Variants in PLD5 observed in about 807,000 individuals in gnomAD.
PLD5 encodes the protein phospholipase D family member 5, also known as inactive phospholipase D5.
In PLD5, 36 loss-of-function variants were observed where a neutral mutation model predicts 61.1. That is an observed-to-expected ratio of 0.59 (90% CI 0.45 to 0.78). The LOEUF (loss-of-function observed/expected upper bound fraction) is 0.78. PLD5 is among the 30% of genes least tolerant of loss of function. The pLI is 0.00. For synonymous variants in PLD5, 243 were observed against 242.8 expected, an observed-to-expected ratio of 1.00 and a Z score of -0.01; for missense variants, 515 against 644.4, an observed-to-expected ratio of 0.80 and a Z score of 2.17.
chr1:242,415,623 C>T (rs1398480107), intron 1 of PLD5, among the ~76,000 whole-genome samples: 1 of 151,700 alleles, frequency 6.6e-6, no homozygotes, highest in African/African-American at 2.4e-5. Context: ...CACCATTCTC[C>T]TGCCTCAGCC....
At chr1:242,520,140 T>C (rs1026017385) in intron 1 of PLD5, among the ~76,000 whole-genome samples, 24 of 152,160 alleles carry the variant, frequency 1.6e-4, no homozygotes, top group Non-Finnish European at 5.9e-5. Flanking sequence ...ATGAGTCATA[T>C]GAATGGATGA....
At chr1:242,253,104 C>T (rs1418684068) in intron 4 of PLD5, among the ~76,000 whole-genome samples, 2 of 145,050 alleles carry the variant, frequency 1.4e-5, no homozygotes, top group Non-Finnish European at 3.0e-5. Context: ...CGTGAGCCAC[C>T]GTGTATGGCC....
rs562026555 is a variant in PLD5 at position 242,466,488 on chromosome 1, AAAG to A, written c.189+57597_189+57599del. Among the ~76,000 whole-genome samples, 54 of 152,352 alleles carry A rather than the reference AAAG, an allele frequency of 3.5e-4. 2 individuals carry two copies. In the South Asian group the frequency reaches 7.7e-3, roughly 22 times the overall value. On this transcript the variant is annotated intron_variant, in intron 1 of 9. Coordinates refer to ENST00000536534, the MANE Select transcript of PLD5 (RefSeq NM_001372062.1). ...CAAAGGAATGCTATTCAGCCTTAAA[AAAG>A]AAGGAAATTCTTGTCATTTGCAACA...
intron 6 of PLD5, among the ~76,000 whole-genome samples, chr1:242,115,669 AT>A (rs1345161344): frequency 6.7e-6 from 1 of 148,954 alleles, no homozygotes; most frequent in Non-Finnish European, 1.5e-5. Flanking sequence ...AAAAAAAAAA[AT>A]CTTGGAGTTT....
At chr1:242,404,094 C>T (rs1360542616) in intron 1 of PLD5, among the ~76,000 whole-genome samples, 1 of 152,116 alleles carries the variant, frequency 6.6e-6, no homozygotes, top group Non-Finnish European at 1.5e-5. Flanking sequence ...GAAACCGGTC[C>T]CTGCCCACAT....
chr1:242,235,226 A>C (rs1047337850), intron 4 of PLD5, among the ~76,000 whole-genome samples: 1 of 152,204 alleles, frequency 6.6e-6, no homozygotes, highest in Non-Finnish European at 1.5e-5. Flanking sequence ...GGCCACATCC[A>C]GAGGCATTCA....
intron 4 of PLD5, among the ~76,000 whole-genome samples, chr1:242,260,661 G>A (rs1470426700): frequency 2.6e-5 from 4 of 152,172 alleles, no homozygotes; most frequent in Non-Finnish European, 4.4e-5. Context: ...ATAAATTTTT[G>A]TAAAGTAACT....
intron 6 of PLD5, 82 bp from the exon 7 acceptor site, chr1:242,114,108 C>G (rs958469675): frequency 2.0e-6 from 3 of 1,478,948 alleles, no homozygotes; most frequent in Non-Finnish European, 2.7e-6. Context: ...TTTCCACGGA[C>G]CTTGGCTTGT....
intron 1 of PLD5, among the ~76,000 whole-genome samples, chr1:242,522,044 T>C (rs147424976): frequency 1.3e-5 from 2 of 152,336 alleles, no homozygotes; most frequent in East Asian, 3.9e-4. Context: ...AAAATGTTCG[T>C]GATGTTTCAA....
At chr1:242,133,920 T>C (rs1446824642) in intron 5 of PLD5, among the ~76,000 whole-genome samples, 1 of 152,242 alleles carries the variant, frequency 6.6e-6, no homozygotes, top group Non-Finnish European at 1.5e-5. Context: ...AATTTCATCA[T>C]ACTTTTTTAA....
At position 242,264,142 on chromosome 1, in the gene PLD5, A is replaced by G. The variant is rs543500669; in HGVS notation, c.607+1195T>C. Among the ~76,000 whole-genome samples, 246 of 152,356 alleles carry G rather than the reference A, an allele frequency of 1.6e-3. 2 individuals carry two copies. The highest frequency in any genetic ancestry group is 1.6e-3 in the African/African-American group (65 of 41,580). Reference sequence around the variant, plus strand: ...AAAAAAAAGTGTTCTCTAACAAATTATCAGATAGTGAGAACCCAATTTTAC... The same window carrying G: ...AAAAAAAAGTGTTCTCTAACAAATTGTCAGATAGTGAGAACCCAATTTTAC... On this transcript the variant is annotated intron_variant, in intron 4 of 9. Coordinates refer to ENST00000536534, the MANE Select transcript of PLD5 (RefSeq NM_001372062.1).
chr1:242,233,829 T>C (rs1275619675), intron 4 of PLD5, among the ~76,000 whole-genome samples: 1 of 152,146 alleles, frequency 6.6e-6, no homozygotes. Flanking sequence ...CTACACTCTC[T>C]GTCTCGGAAT....
chr1:242,303,207 G>A (rs529228829), intron 2 of PLD5, among the ~76,000 whole-genome samples: 1 of 152,176 alleles, frequency 6.6e-6, no homozygotes, highest in Admixed American at 6.5e-5. Context: ...GCAAATACAT[G>A]CTGACTCTCC....
chr1:242,309,252 G>A lies in PLD5; in HGVS notation c.327-20722C>T, dbSNP rs868573238. On this transcript the variant is annotated intron_variant, in intron 2 of 9. Transcript: ENST00000536534. ...GCCAGTAAAGCCCCTTCCTCATCCC[G>A]CTTTTCTGCTTACTACTAGAGACAG... 2.6e-5 allele frequency among the ~76,000 whole-genome samples: 4 copies of A among 152,066 alleles called. No homozygotes were observed. In the South Asian group the frequency reaches 6.2e-4, roughly 24 times the overall value.
At chr1:242,249,181 C>T (rs1251371083) in intron 4 of PLD5, among the ~76,000 whole-genome samples, 3 of 152,036 alleles carry the variant, frequency 2.0e-5, no homozygotes, top group Admixed American at 6.5e-5. Flanking sequence ...GTTGGTGGGG[C>T]CTTTAAGAGG....
At chr1:242,311,517 T>A (rs1676697287) in intron 2 of PLD5, among the ~76,000 whole-genome samples, 3 of 152,016 alleles carry the variant, frequency 2.0e-5, no homozygotes, top group Non-Finnish European at 2.9e-5. Flanking sequence ...AGCTTTGCAC[T>A]AATGGGCCTG....
chr1:242,498,184 C>T (rs970174509), intron 1 of PLD5, among the ~76,000 whole-genome samples: 9 of 152,118 alleles, frequency 5.9e-5, no homozygotes, highest in Non-Finnish European at 1.2e-4. Flanking sequence ...AGGCTAGCCT[C>T]GAACTCCTGA....
At chr1:242,141,999 T>C (rs151033113) in intron 5 of PLD5, among the ~76,000 whole-genome samples, 2 of 152,332 alleles carry the variant, frequency 1.3e-5, no homozygotes, top group African/African-American at 4.8e-5. Flanking sequence ...TCCACTCATA[T>C]ATTCATTCAA....
At chr1:242,471,538 A>G (rs1026443090) in intron 1 of PLD5, among the ~76,000 whole-genome samples, 2 of 152,122 alleles carry the variant, frequency 1.3e-5, no homozygotes, top group Non-Finnish European at 2.9e-5. Flanking sequence ...TTCTATATCT[A>G]GTACTGTAAA....
Sources: gnomAD v4.1 joint callset for allele counts (sites outside exome capture counted in the v4.1 genomes callset) on GRCh38, gnomAD v4.1.1 for gene constraint, MANE v1.5 for transcripts, NCBI Gene and HGNC (gene_info 2026-07-23, HGNC 2026-07-21) for gene names.